Variants in PHACTR1 observed in about 807,000 individuals in gnomAD.
PHACTR1 encodes the protein phosphatase and actin regulator 1, also known as RPEL repeat containing 1.
A neutral mutation model predicts 69.2 loss-of-function variants in PHACTR1; 16 were observed. The ratio of observed to expected loss-of-function variants is 0.23; its 90% CI spans 0.16 to 0.35. The LOEUF (loss-of-function observed/expected upper bound fraction) is 0.35. Ranked by LOEUF, PHACTR1 falls within the 10% of genes least tolerant of loss-of-function variation. PHACTR1 has a pLI of 1.00. For missense variants in PHACTR1, 510 were observed against 734.7 expected (o/e 0.69, Z 3.54); for synonymous variants, 312 against 284.5 (o/e 1.10, Z -0.97).
At chr6:13,150,323 C>A (rs1036282826) in intron 5 of PHACTR1, among the ~76,000 whole-genome samples, 3 of 152,154 alleles carry the variant, frequency 2.0e-5, no homozygotes, top group African/African-American at 7.2e-5. Context: ...GCCTTGGCAA[C>A]AGAGTGAGAC....
intron 4 of PHACTR1, among the ~76,000 whole-genome samples, chr6:12,783,203 C>G (rs1771050879): frequency 6.6e-6 from 1 of 152,174 alleles, no homozygotes; most frequent in Non-Finnish European, 1.5e-5. Context: ...ATTGTCATCT[C>G]CCTGCATCCA....
In PHACTR1 at chr6:13,200,332, TC is replaced by T. The variant is rs771053356; in HGVS notation, c.665-5480del. ...TTCAAGCGATTCTCCTGCCTCAGCC[TC>T]CCGAGTAGCTGGGATTGCAGGCACG... is the stretch of plus-strand genomic sequence containing the variant. On this transcript the variant is annotated intron_variant, in intron 7 of 14. Transcript: ENST00000332995. Among the ~76,000 whole-genome samples, 52 of 152,214 alleles carry T rather than the reference TC, an allele frequency of 3.4e-4. 1 individual carries two copies. Among genetic ancestry groups the T allele is most frequent in the Admixed American group, 1.4e-3 (21 of 15,294 alleles).
intron 5 of PHACTR1, among the ~76,000 whole-genome samples, chr6:13,079,412 G>C (rs999316186): frequency 1.3e-5 from 2 of 152,134 alleles, no homozygotes; most frequent in Admixed American, 1.3e-4. Context: ...ATTTGTCAGA[G>C]CTTGAGGCTG....
chr6:12,932,934 CTTT>C (rs35209150), intron 4 of PHACTR1, among the ~76,000 whole-genome samples: 3,312 of 124,086 alleles, frequency 0.027, 111 homozygotes, highest in African/African-American at 0.089. Flanking sequence ...TATTCCAAAT[CTTT>C]TTTTTTTTTT....
chr6:12,733,813 A>T (rs510620), intron 3 of PHACTR1, among the ~76,000 whole-genome samples: 102,656 of 152,146 alleles, frequency 0.67, 35,459 homozygotes, highest in East Asian at 0.95. Context: ...AGATTTCAAA[A>T]GATGCCATTA....
At chr6:12,818,341 C>T (rs889241686) in intron 4 of PHACTR1, among the ~76,000 whole-genome samples, 2 of 152,186 alleles carry the variant, frequency 1.3e-5, no homozygotes, top group African/African-American at 4.8e-5. Flanking sequence ...GCTGAGATGT[C>T]TGGGCTAGCT....
At chr6:13,239,565 T>C (rs1772513520) in intron 10 of PHACTR1, among the ~76,000 whole-genome samples, 1 of 152,138 alleles carries the variant, frequency 6.6e-6, no homozygotes, top group Non-Finnish European at 1.5e-5. Context: ...ATAAGAAGAC[T>C]TGAGCAAGAC....
chr6:12,949,806 G>T (rs1393553967), intron 4 of PHACTR1, among the ~76,000 whole-genome samples: 1 of 152,122 alleles, frequency 6.6e-6, no homozygotes, highest in Non-Finnish European at 1.5e-5. Flanking sequence ...TCAATGGTGG[G>T]ATTTTCTCAT....
At chr6:13,082,474 G>A (rs1392765838) in intron 5 of PHACTR1, among the ~76,000 whole-genome samples, 1 of 152,096 alleles carries the variant, frequency 6.6e-6, no homozygotes, top group African/African-American at 2.4e-5. Context: ...AACAGTTCAG[G>A]AAGAAGAAAA....
At chr6:12,886,075 A>T (rs1783604107) in intron 4 of PHACTR1, among the ~76,000 whole-genome samples, 1 of 152,208 alleles carries the variant, frequency 6.6e-6, no homozygotes, top group African/African-American at 2.4e-5. Context: ...AGCGTGGGTG[A>T]CAGGGTGAGA....
At chr6:13,197,257 A>T (rs572280355) in intron 7 of PHACTR1, among the ~76,000 whole-genome samples, 1 of 152,336 alleles carries the variant, frequency 6.6e-6, no homozygotes, top group African/African-American at 2.4e-5. Flanking sequence ...ACTTTGTAAA[A>T]TTAGAAAAAG....
chr6:13,216,064 A>G (rs1394976197), intron 8 of PHACTR1, among the ~76,000 whole-genome samples: 1 of 152,266 alleles, frequency 6.6e-6, no homozygotes, highest in East Asian at 1.9e-4. Flanking sequence ...TTAGCTAGAG[A>G]TGAATTTGTC....
intron 4 of PHACTR1, among the ~76,000 whole-genome samples, chr6:12,761,295 A>G (rs1252342842): frequency 6.6e-6 from 1 of 152,130 alleles, no homozygotes; most frequent in African/African-American, 2.4e-5. Context: ...ACATAGACTG[A>G]TTTCCCCTAA....
chr6:12,933,820 T>C (rs1209060648), intron 4 of PHACTR1: 3 of 1,612,584 alleles, frequency 1.9e-6, no homozygotes, highest in East Asian at 2.2e-5. Flanking sequence ...CTACTCAGGG[T>C]ATGAGCCCTG....
intron 3 of PHACTR1, among the ~76,000 whole-genome samples, chr6:12,733,939 C>T (rs888669902): frequency 6.6e-6 from 1 of 152,108 alleles, no homozygotes; most frequent in Non-Finnish European, 1.5e-5. Flanking sequence ...TATATCTAAA[C>T]GAGGAACGCT....
chr6:13,254,084 C>T (rs1338990501), intron 10 of PHACTR1, among the ~76,000 whole-genome samples: 7 of 152,162 alleles, frequency 4.6e-5, no homozygotes, highest in Non-Finnish European at 1.0e-4. Context: ...AAAAATTAGC[C>T]AGGCGTGGTG....
intron 5 of PHACTR1, among the ~76,000 whole-genome samples, chr6:13,153,752 C>A (rs1015208730): frequency 6.6e-6 from 1 of 152,156 alleles, no homozygotes. Context: ...GAGAACTAGA[C>A]TCCGGATTTT....
chr6:13,118,633 C>T (rs1157020053), intron 5 of PHACTR1, among the ~76,000 whole-genome samples: 2 of 152,084 alleles, frequency 1.3e-5, no homozygotes, highest in African/African-American at 4.8e-5. Flanking sequence ...TGCGCACAAC[C>T]ATGCCCAGCT....
intron 4 of PHACTR1, among the ~76,000 whole-genome samples, chr6:13,049,159 A>T (rs1268815874): frequency 6.6e-6 from 1 of 152,100 alleles, no homozygotes; most frequent in Non-Finnish European, 1.5e-5. Context: ...TTCTAATTTC[A>T]TATCATTATT....
Sources: gnomAD v4.1 joint callset for allele counts (sites outside exome capture counted in the v4.1 genomes callset) on GRCh38, gnomAD v4.1.1 for gene constraint, MANE v1.5 for transcripts, NCBI Gene and HGNC (gene_info 2026-07-23, HGNC 2026-07-21) for gene names.